ZNF383: variants seen among roughly 807,000 people sequenced by gnomAD.
ZNF383 encodes the protein zinc finger protein 383.
Under a neutral mutation model 44.2 loss-of-function variants are expected in ZNF383, and 32 were observed. The observed-to-expected ratio is 0.72, with a 90% CI of 0.55 to 0.97. The LOEUF is 0.97. Ranked by LOEUF, ZNF383 falls within the 50% of genes least tolerant of loss-of-function variation. The pLI, the probability that ZNF383 is intolerant of heterozygous loss-of-function variation, is 0.00. For synonymous variants in ZNF383, 155 were observed against 186.2 expected (o/e 0.83, Z 1.36); for missense variants, 487 against 562.5 (o/e 0.87, Z 1.36).
intron 1 of ZNF383, among the ~76,000 whole-genome samples, chr19:37,220,652 G>A (rs1452252358): frequency 6.7e-6 from 1 of 149,622 alleles, no homozygotes; most frequent in Non-Finnish European, 1.5e-5. Context: ...TAATTATAAA[G>A]AGACCCTCAG....
chr19:37,235,751 C>T, intron 4 of ZNF383, 76 bp downstream of exon 4: 1 of 1,479,432 alleles, frequency 6.8e-7, no homozygotes, highest in Non-Finnish European at 9.1e-7. Flanking sequence ...TTCTCAGCTG[C>T]TTTTCAGGTT....
chr19:37,235,775 C>T, intron 4 of ZNF383, 100 bp downstream of exon 4: 1 of 1,436,340 alleles, frequency 7.0e-7, no homozygotes, highest in Non-Finnish European at 9.4e-7. Context: ...AGCTGAATTT[C>T]TATTCTTTAT....
Position 37,242,934 on chromosome 19 carries a change from A to C in ZNF383, c.698A>C (p.Lys233Thr), listed in dbSNP as rs758777555. The change falls in exon 6 of 6, where the codon AAG becomes ACG. Residue 233 changes from lysine to threonine, a missense_variant. Lys to Thr is a moderately conservative substitution (Grantham distance 78). Transcript: ENST00000684119. ...EKPFECKECG[K>T]AFSCSSYLSQ... ...CCCTTTGAATGTAAGGAATGTGGAAAGGCCTTCAGTTGTAGCTCATACCTT... is the reference window on the plus strand; with the variant it reads ...CCCTTTGAATGTAAGGAATGTGGAACGGCCTTCAGTTGTAGCTCATACCTT... The C allele has an allele frequency of 6.2e-7, 1 of 1,614,194 alleles. No homozygotes were observed. Among genetic ancestry groups the C allele is most frequent in the South Asian group, 1.1e-5 (1 of 91,082 alleles).
chr19:37,227,776 AG>A, intron 2 of ZNF383: 1 of 152,476 alleles, frequency 6.6e-6, no homozygotes. Context: ...TCCACCAGAC[AG>A]GGGGCCCTTC....
intron 1 of ZNF383, among the ~76,000 whole-genome samples, chr19:37,222,899 A>G (rs1478729405): frequency 6.6e-6 from 1 of 152,222 alleles, no homozygotes; most frequent in Non-Finnish European, 1.5e-5. Context: ...AAATAGTGGT[A>G]TCAATCTATA....
chr19:37,242,026 A>AAGATACTATAT (rs1974112623), intron 5 of ZNF383, among the ~76,000 whole-genome samples: 1 of 1,922 alleles, frequency 5.2e-4, no homozygotes, highest in African/African-American at 2.6e-3. Context: ...ATATACTATA[A>AAGATACTATAT]AGATACTATA....
chr19:37,247,483 A>G lies in ZNF383; in HGVS notation c.*3819A>G, dbSNP rs1974409585. ...TTTATATACTACAGGTCACTCAACT[A>G]TACACTTTAAAAGGGTGAATATTAT... On this transcript the variant is annotated 3_prime_UTR_variant, in exon 6 of 6. Transcript: ENST00000684119. The G allele has an allele frequency of 6.6e-6, 1 of 152,202 alleles. No homozygotes were observed. The allele number at this position is 152,202 out of a possible 1,614,324, so 9.4% of individuals were successfully genotyped here.
Position 37,235,673 on chromosome 19 carries a change from T to C in ZNF383, c.134T>C (p.Met45Thr), listed in dbSNP as rs1973755027. The C allele has an allele frequency of 6.2e-7, 1 of 1,607,076 alleles. No individual in the cohort carries two copies. Among genetic ancestry groups the C allele is most frequent in the Non-Finnish European group, 8.5e-7 (1 of 1,176,568 alleles). Residue 45 changes from methionine (M) to threonine (T), a missense_variant and splice_region_variant, in exon 4 of 6, where the codon ATG becomes ACG. Coordinates refer to ENST00000684119, the MANE Select transcript of ZNF383 (RefSeq NM_001387601.1). Reference sequence around the variant, plus strand: ...GAGAACTACGGCAATCTGGTTTCAATGGGTAAGGGCATCTGTACCAGTGAT... The same window carrying C: ...GAGAACTACGGCAATCTGGTTTCAACGGGTAAGGGCATCTGTACCAGTGAT... ...MLENYGNLVS[M>T]GLYTPKPQVI...
rs1161449054 is a variant in ZNF383, at chr19:37,243,739, GT to G, written c.*83del. On this transcript the variant is annotated 3_prime_UTR_variant, in exon 6 of 6. Transcript: ENST00000684119. ...TGTCTAATAGTTACCCTCTTCCGTA[GT>G]TTTTTTTAAAACTTTGTATTTAAAT... is the stretch of plus-strand genomic sequence containing the variant. The G allele has an allele frequency of 9.8e-6, 10 of 1,021,596 alleles. No homozygotes were observed. Among genetic ancestry groups the G allele is most frequent in the African/African-American group, 1.6e-5 (1 of 61,644 alleles). 63.3% of individuals were successfully genotyped at this position (1,021,596 alleles called of 1,614,324 possible).
intron 3 of ZNF383, among the ~76,000 whole-genome samples, chr19:37,231,821 C>T (rs1376748239): frequency 2.0e-5 from 3 of 152,158 alleles, no homozygotes; most frequent in Admixed American, 1.3e-4. Flanking sequence ...CTACCCCTTG[C>T]ATTGTTAGGT....
chr19:37,236,333 C>A (rs1314954915), intron 5 of ZNF383, among the ~76,000 whole-genome samples: 1 of 151,906 alleles, frequency 6.6e-6, no homozygotes, highest in African/African-American at 2.4e-5. Flanking sequence ...CTAAAAAAAA[C>A]CCTATTTTAC....
At chr19:37,235,522 A>G in intron 3 of ZNF383, 27 bp from the exon 4 acceptor site, 2 of 1,613,108 alleles carry the variant, frequency 1.2e-6, no homozygotes, top group Middle Eastern at 1.6e-4. Context: ...TTAATTACAC[A>G]AGTAATACGT....
intron 5 of ZNF383, 97 bp downstream of exon 5, chr19:37,236,171 T>C (rs578190601): frequency 5.8e-6 from 5 of 858,772 alleles, no homozygotes; most frequent in Non-Finnish European, 9.0e-6. Context: ...TCCCTGAAGC[T>C]CCCATCAAGA....
At chr19:37,237,853 T>C (rs531858127) in intron 5 of ZNF383, among the ~76,000 whole-genome samples, 79 of 151,030 alleles carry the variant, frequency 5.2e-4, no homozygotes, top group African/African-American at 1.8e-3. Context: ...CCTCACCTCT[T>C]CGTTTTTGGA....
At chr19:37,221,676 C>T (rs537521506) in intron 1 of ZNF383, among the ~76,000 whole-genome samples, 20 of 142,490 alleles carry the variant, frequency 1.4e-4, no homozygotes, top group African/African-American at 3.7e-4. Flanking sequence ...GGGCTGGGCG[C>T]GGTGGCTCGT....
In ZNF383 at chr19:37,243,135, A is replaced by T; in HGVS notation, c.899A>T (p.His300Leu). 2 of 1,614,194 alleles carry T rather than the reference A, an allele frequency of 1.2e-6. No individual in the cohort carries two copies. Among genetic ancestry groups the T allele is most frequent in the Non-Finnish European group, 8.5e-7 (1 of 1,180,006 alleles). The change falls in exon 6 of 6, where the codon CAT (histidine) becomes CTT (leucine). Residue 300 changes from histidine to leucine, a missense_variant. By Grantham distance (99) the His-to-Leu change is moderately conservative. Coordinates refer to ENST00000684119, the MANE Select transcript of ZNF383 (RefSeq NM_001387601.1). The part of the protein sequence containing the change: ...AFTKSSQLFQ[H>L]ARIHTGEKPY... The stretch of plus-strand genomic sequence containing the variant: ...ACTAAGAGCTCACAACTTTTTCAGC[A>T]TGCACGAATTCATACAGGTGAGAAA...
intron 2 of ZNF383, among the ~76,000 whole-genome samples, chr19:37,226,021 G>T (rs568645825): frequency 2.0e-5 from 3 of 149,084 alleles, no homozygotes; most frequent in Admixed American, 6.7e-5. Context: ...GGATGGTCTC[G>T]ATCTCCTGAC....
At chr19:37,226,678 T>C (rs1160860637) in intron 2 of ZNF383, 1 of 152,196 alleles carries the variant, frequency 6.6e-6, no homozygotes, top group Non-Finnish European at 1.5e-5. Context: ...AACAGACATG[T>C]AAGTTTCTAT....
At chr19:37,237,387 A>T (rs964387128) in intron 5 of ZNF383, among the ~76,000 whole-genome samples, 1 of 152,092 alleles carries the variant, frequency 6.6e-6, no homozygotes, top group African/African-American at 2.4e-5. Flanking sequence ...AAAAAAAAGG[A>T]TCTGTGCCTA....
Sources: gnomAD v4.1 joint callset for allele counts (sites outside exome capture counted in the v4.1 genomes callset) on GRCh38, gnomAD v4.1.1 for gene constraint, MANE v1.5 for transcripts, NCBI Gene and HGNC (gene_info 2026-07-23, HGNC 2026-07-21) for gene names.